THEMIS: variants seen among roughly 807,000 people sequenced by gnomAD.
The protein encoded by THEMIS is protein THEMIS.
A neutral mutation model predicts 52.6 loss-of-function variants in THEMIS; 37 were observed. The observed-to-expected ratio is 0.70, with a 90% CI of 0.54 to 0.93. THEMIS has a LOEUF of 0.93. THEMIS is among the 40% of genes least tolerant of loss of function. The pLI, the probability that THEMIS is intolerant of heterozygous loss-of-function variation, is 0.00. For missense variants in THEMIS, 808 were observed against 763.1 expected, an observed-to-expected ratio of 1.06 and a Z score of -0.69; for synonymous variants, 292 against 272.7, an observed-to-expected ratio of 1.07 and a Z score of -0.70.
At chr6:127,748,068 T>A (rs1201252703) in intron 4 of THEMIS, among the ~76,000 whole-genome samples, 1 of 152,134 alleles carries the variant, frequency 6.6e-6, no homozygotes, top group Admixed American at 6.6e-5. Context: ...TCCACTTTGT[T>A]TTTTGCAATT....
intron 1 of THEMIS, among the ~76,000 whole-genome samples, chr6:127,886,866 A>T (rs1285254755): frequency 6.6e-6 from 1 of 152,038 alleles, no homozygotes; most frequent in Non-Finnish European, 1.5e-5. Flanking sequence ...CATAACCATG[A>T]GTATAATAGC....
At chr6:127,916,399 G>T (rs576176868) in intron 1 of THEMIS, among the ~76,000 whole-genome samples, 1 of 152,106 alleles carries the variant, frequency 6.6e-6, no homozygotes, top group Non-Finnish European at 1.5e-5. Context: ...GGTTCCTCCT[G>T]TCATGGCAGA....
chr6:127,708,120 C>T (rs916016375), downstream of THEMIS: 2 of 151,924 alleles, frequency 1.3e-5, no homozygotes, highest in Admixed American at 1.3e-4. Context: ...TATTTCAATT[C>T]TAGTTAAAGA....
chr6:127,768,029 T>A (rs977897717), intron 4 of THEMIS, among the ~76,000 whole-genome samples: 4 of 152,228 alleles, frequency 2.6e-5, no homozygotes, highest in African/African-American at 9.6e-5. Context: ...GAGTAGTTAT[T>A]AATGATTTAT....
At chr6:127,700,871 AC>A in the THEMIS span, among the ~76,000 whole-genome samples, 1 of 152,060 alleles carries the variant, frequency 6.6e-6, no homozygotes, top group Non-Finnish European at 1.5e-5. Context: ...TAAAACATGT[AC>A]TACGTATACA....
intron 4 of THEMIS, among the ~76,000 whole-genome samples, chr6:127,755,204 A>T (rs1242364267): frequency 1.3e-5 from 2 of 152,244 alleles, no homozygotes; most frequent in African/African-American, 2.4e-5. Context: ...ATCATAGATT[A>T]GATTTGAAGA....
intron 2 of THEMIS, among the ~76,000 whole-genome samples, chr6:127,833,368 A>T (rs2114672265): frequency 6.6e-6 from 1 of 152,332 alleles, no homozygotes; most frequent in African/African-American, 2.4e-5. Context: ...ACTTTTTCAT[A>T]TGCATCCTTT....
intron 4 of THEMIS, among the ~76,000 whole-genome samples, chr6:127,736,123 T>C (rs1774996982): frequency 6.6e-6 from 1 of 152,186 alleles, no homozygotes; most frequent in African/African-American, 2.4e-5. Context: ...GTTGTCTTTT[T>C]TACCTATATC....
At chr6:127,847,136 A>G (rs1406871925) in intron 2 of THEMIS, among the ~76,000 whole-genome samples, 1 of 152,018 alleles carries the variant, frequency 6.6e-6, no homozygotes, top group African/African-American at 2.4e-5. Context: ...ACTTAGCTCA[A>G]AGTAATAAAA....
intron 1 of THEMIS, among the ~76,000 whole-genome samples, chr6:127,860,199 C>T (rs757617802): frequency 1.1e-4 from 17 of 152,130 alleles, no homozygotes; most frequent in Non-Finnish European, 1.8e-4. Context: ...GAGACAATGT[C>T]ATTCCCACTC....
At chr6:127,892,284 G>A (rs1044530282) in intron 1 of THEMIS, among the ~76,000 whole-genome samples, 1 of 152,298 alleles carries the variant, frequency 6.6e-6, no homozygotes, top group African/African-American at 2.4e-5. Flanking sequence ...CCTCAGCAGG[G>A]ATGTTCTTCC....
intron 3 of THEMIS, among the ~76,000 whole-genome samples, chr6:127,819,118 TAAAAAAAA>T (rs142123167): frequency 4.1e-4 from 8 of 19,480 alleles, no homozygotes; most frequent in African/African-American, 1.4e-3. Context: ...AGACTCTGTC[TAAAAAAAA>T]AAAAAAAAAA....
chr6:127,703,508 G>A (rs1773756730), downstream of THEMIS, among the ~76,000 whole-genome samples: 1 of 152,134 alleles, frequency 6.6e-6, no homozygotes, highest in Admixed American at 6.5e-5. Context: ...GCAGCTTCCT[G>A]TGTACCCAAT....
At chr6:127,828,676 C>A (rs887790613) in intron 3 of THEMIS, among the ~76,000 whole-genome samples, 1 of 152,138 alleles carries the variant, frequency 6.6e-6, no homozygotes. Flanking sequence ...CACGCCGGGC[C>A]GGGCGCGATG....
At chr6:127,732,194 A>G (rs1278625751) in intron 4 of THEMIS, among the ~76,000 whole-genome samples, 1 of 151,974 alleles carries the variant, frequency 6.6e-6, no homozygotes, top group African/African-American at 2.4e-5. Flanking sequence ...AGTGGCTAAT[A>G]TCACATAACA....
chr6:127,807,515 A>C (rs969961023), intron 4 of THEMIS, among the ~76,000 whole-genome samples: 27 of 152,148 alleles, frequency 1.8e-4, no homozygotes, highest in African/African-American at 6.0e-4. Context: ...AGATTCAAAA[A>C]CCCAATATTT....
At chr6:127,714,026 A>G (rs143720148) in intron 5 of THEMIS, among the ~76,000 whole-genome samples, 2 of 151,148 alleles carry the variant, frequency 1.3e-5, no homozygotes, top group African/African-American at 2.4e-5. Context: ...GTAGCCATGG[A>G]AAAAAAAATG....
intron 2 of THEMIS, among the ~76,000 whole-genome samples, chr6:127,850,407 A>G (rs965787386): frequency 2.0e-5 from 3 of 151,972 alleles, no homozygotes; most frequent in African/African-American, 7.2e-5. Context: ...AAGGAAAAAA[A>G]GTCATTGTAT....
intron 4 of THEMIS, among the ~76,000 whole-genome samples, chr6:127,805,637 C>A (rs1053198234): frequency 5.3e-5 from 8 of 151,964 alleles, no homozygotes; most frequent in Admixed American, 3.9e-4. Flanking sequence ...ATCTTGTGCT[C>A]ATTTTCTGTC....
Sources: gnomAD v4.1 joint callset for allele counts (sites outside exome capture counted in the v4.1 genomes callset) on GRCh38, gnomAD v4.1.1 for gene constraint, MANE v1.5 for transcripts, NCBI Gene and HGNC (gene_info 2026-07-23, HGNC 2026-07-21) for gene names.